The following LINGO2 variants were observed in gnomAD, a reference collection of about 807,000 sequenced individuals.
The protein encoded by LINGO2 is leucine rich repeat and Ig domain containing 2.
LINGO2 carries 14 observed loss-of-function variants against 30.6 expected under a neutral mutation model. The observed-to-expected ratio is 0.46, with a 90% CI of 0.30 to 0.72. LINGO2 has a LOEUF of 0.72. Among genes scored for constraint, LINGO2 ranks in the 30% least tolerant of loss-of-function variants. The pLI is 0.07. For synonymous variants in LINGO2, 317 were observed against 288.5 expected (o/e 1.10, Z -1.00); for missense variants, 729 against 751.7 (o/e 0.97, Z 0.35).
At position 28,028,481 on chromosome 9, in the gene LINGO2, GTA is replaced by G. The variant is rs541332738; in HGVS notation, c.-86-16078_-86-16077del. Among the ~76,000 whole-genome samples the G allele has an allele frequency of 4.1e-4, 63 of 152,008 alleles. No homozygotes were observed. In the East Asian group the frequency reaches 0.012, roughly 28 times the overall value. On this transcript the variant is annotated intron_variant, in intron 4 of 5. Coordinates refer to ENST00000379992, the Ensembl canonical transcript of LINGO2. Reference sequence around the variant, plus strand: ...ATGCTATACTTGCTCATATACAAATGTATATACACGTAACACCCAGAGAAGAT... The same window carrying G: ...ATGCTATACTTGCTCATATACAAATGTATACACGTAACACCCAGAGAAGAT...
chr9:28,544,025 C>G (rs1821821559), intron 1 of LINGO2, among the ~76,000 whole-genome samples: 1 of 151,736 alleles, frequency 6.6e-6, no homozygotes, highest in African/African-American at 2.4e-5. Context: ...GCCAACATGG[C>G]AAAACCCTGT....
chr9:28,548,413 G>T (rs1047226647), intron 1 of LINGO2, among the ~76,000 whole-genome samples: 3 of 151,948 alleles, frequency 2.0e-5, no homozygotes, highest in African/African-American at 7.2e-5. Context: ...TATCATTCAA[G>T]AATTATTTGG....
chr9:28,131,243 G>T (rs1042858914), intron 4 of LINGO2, among the ~76,000 whole-genome samples: 1 of 151,572 alleles, frequency 6.6e-6, no homozygotes, highest in African/African-American at 2.4e-5. Context: ...TAAATGTCAT[G>T]TATTTTGTAT....
chr9:28,900,295 T>A, the LINGO2 span, among the ~76,000 whole-genome samples: 3 of 152,268 alleles, frequency 2.0e-5, no homozygotes, highest in Admixed American at 2.0e-4. Context: ...GGCCAGACCC[T>A]AAGGACCAAA....
chr9:28,105,463 C>T (rs1320717217), intron 4 of LINGO2, among the ~76,000 whole-genome samples: 1 of 152,054 alleles, frequency 6.6e-6, no homozygotes, highest in African/African-American at 2.4e-5. Context: ...CAGATAAATA[C>T]ACGAGTAAGA....
chr9:29,104,090 C>T, the LINGO2 span, among the ~76,000 whole-genome samples: 1 of 151,952 alleles, frequency 6.6e-6, no homozygotes. Context: ...CATTGCAACA[C>T]GAAATAAGAA....
chr9:28,259,924 C>T (rs1442629887), intron 4 of LINGO2, among the ~76,000 whole-genome samples: 1 of 151,930 alleles, frequency 6.6e-6, no homozygotes, highest in Non-Finnish European at 1.5e-5. Flanking sequence ...CAGCAACTAA[C>T]ATCTCATAGA....
chr9:28,479,292 A>T (rs966856129), intron 1 of LINGO2, among the ~76,000 whole-genome samples: 2 of 151,400 alleles, frequency 1.3e-5, no homozygotes, highest in Non-Finnish European at 3.0e-5. Context: ...GGGAAATTTA[A>T]TTTTTTTTTA....
chr9:28,690,220 T>C, the LINGO2 span, among the ~76,000 whole-genome samples: 15 of 151,988 alleles, frequency 9.9e-5, 1 homozygote, highest in African/African-American at 3.6e-4. Context: ...CATGTACCCC[T>C]GAAGTTAAAA....
rs574436436 is a variant in LINGO2 at position 28,014,774 on chromosome 9, G to A, written c.-86-2369C>T. Among the ~76,000 whole-genome samples, 15 of 152,210 alleles carry A rather than the reference G, an allele frequency of 9.9e-5. No individual in the cohort carries two copies. In the South Asian group the frequency reaches 2.7e-3, roughly 27 times the overall value. ...TGAAGGGCCCACAGAAGATAATTCT[G>A]TGTTGGTGGTTATAAGAATCTAGGT... On this transcript the variant is annotated intron_variant, in intron 4 of 5. Coordinates refer to ENST00000379992, the Ensembl canonical transcript of LINGO2.
At chr9:28,905,235 C>T in the LINGO2 span, among the ~76,000 whole-genome samples, 3 of 145,074 alleles carry the variant, frequency 2.1e-5, no homozygotes, top group African/African-American at 7.7e-5. Context: ...TTGGATACAA[C>T]AAATATTCAT....
At chr9:28,563,832 T>C (rs1823226349) in intron 1 of LINGO2, among the ~76,000 whole-genome samples, 1 of 152,134 alleles carries the variant, frequency 6.6e-6, no homozygotes, top group South Asian at 2.1e-4. Flanking sequence ...CTGAGCCAAG[T>C]AAACCACCTC....
the LINGO2 span, among the ~76,000 whole-genome samples, chr9:28,929,951 T>C: frequency 2.2e-4 from 34 of 152,188 alleles, no homozygotes; most frequent in Admixed American, 2.1e-3. Flanking sequence ...TTGTTTTTAA[T>C]TTGTTATTCT....
the LINGO2 span, among the ~76,000 whole-genome samples, chr9:29,187,733 G>C: frequency 6.7e-6 from 1 of 150,048 alleles, no homozygotes; most frequent in Non-Finnish European, 1.5e-5. Flanking sequence ...TAAATTCAAT[G>C]GTCTAGGTAT....
At chr9:28,714,797 A>T in the LINGO2 span, among the ~76,000 whole-genome samples, 1 of 152,134 alleles carries the variant, frequency 6.6e-6, no homozygotes, top group South Asian at 2.1e-4. Flanking sequence ...TAGTTACTTA[A>T]ATGTTTCATA....
the LINGO2 span, among the ~76,000 whole-genome samples, chr9:29,167,020 A>G: frequency 6.6e-6 from 1 of 152,156 alleles, no homozygotes; most frequent in Non-Finnish European, 1.5e-5. Context: ...ATTTTTATTT[A>G]TAAAACTAAT....
intron 4 of LINGO2, among the ~76,000 whole-genome samples, chr9:28,239,245 CT>C (rs1413944875): frequency 6.6e-6 from 1 of 151,912 alleles, no homozygotes; most frequent in African/African-American, 2.4e-5. Flanking sequence ...TCAGACTGTT[CT>C]GAAAAATAGA....
chr9:28,019,021 G>C (rs1822980656), intron 4 of LINGO2, among the ~76,000 whole-genome samples: 1 of 152,026 alleles, frequency 6.6e-6, no homozygotes, highest in African/African-American at 2.4e-5. Flanking sequence ...AATGAACACA[G>C]GAACAGAAAA....
chr9:28,640,721 A>G (rs911198623), intron 1 of LINGO2, among the ~76,000 whole-genome samples: 21 of 151,952 alleles, frequency 1.4e-4, no homozygotes, highest in African/African-American at 5.1e-4. Context: ...CTAGTTAGCG[A>G]TTCGTCTAAT....
Sources: gnomAD v4.1 joint callset for allele counts (sites outside exome capture counted in the v4.1 genomes callset) on GRCh38, gnomAD v4.1.1 for gene constraint, MANE v1.5 for transcripts, NCBI Gene and HGNC (gene_info 2026-07-23, HGNC 2026-07-21) for gene names.